SLC35F3: variants seen among roughly 807,000 people sequenced by gnomAD.
SLC35F3 encodes the protein solute carrier family 35 member F3.
A neutral mutation model predicts 49.9 loss-of-function variants in SLC35F3; 25 were observed. The observed-to-expected ratio is 0.50, with a 90% CI of 0.37 to 0.70. The LOEUF is 0.70. SLC35F3 is among the 30% of genes least tolerant of loss of function. The pLI is 0.00. For missense variants in SLC35F3, 525 were observed against 639.8 expected (o/e 0.82, Z 1.94); for synonymous variants, 275 against 265.4 (o/e 1.04, Z -0.35).
At chr1:234,321,037 G>GCCCC (rs34198235) in intron 7 of SLC35F3, among the ~76,000 whole-genome samples, 1 of 131,736 alleles carries the variant, frequency 7.6e-6, no homozygotes, top group Non-Finnish European at 1.7e-5. Flanking sequence ...TTAAAAGATT[G>GCCCC]CCCCCCCCCC....
intron 2 of SLC35F3, among the ~76,000 whole-genome samples, chr1:234,064,944 T>G (rs900764328): frequency 1.3e-5 from 2 of 152,208 alleles, no homozygotes; most frequent in African/African-American, 4.8e-5. Context: ...GACTATTTTC[T>G]TTTATAAGAG....
chr1:234,276,472 A>AG (rs1445182761), intron 3 of SLC35F3, among the ~76,000 whole-genome samples: 3 of 152,184 alleles, frequency 2.0e-5, no homozygotes, highest in Non-Finnish European at 4.4e-5. Flanking sequence ...ACTGTGTATA[A>AG]GGCAGAGTAC....
Position 234,046,961 on chromosome 1 carries a change from A to G in SLC35F3, c.283+141203A>G, listed in dbSNP as rs1389735567. Among the ~76,000 whole-genome samples, 1 of 152,200 alleles carries G rather than the reference A, an allele frequency of 6.6e-6. No individual in the cohort carries two copies. The highest frequency in any genetic ancestry group is 1.5e-5 in the Non-Finnish European group (1 of 68,036). ...ACCTTAGTTACTCTAGCTGTACTATAAGTCTCACTTCCTAACAGGTCAAAT... is the reference window on the plus strand; with the variant it reads ...ACCTTAGTTACTCTAGCTGTACTATGAGTCTCACTTCCTAACAGGTCAAAT... On this transcript the variant is annotated intron_variant, in intron 2 of 7. Transcript: ENST00000366618. The surrounding 1 kb of genome is among the most constrained non-coding windows in gnomAD (Gnocchi z 4.4).
chr1:234,239,398 T>C (rs1222239278), intron 3 of SLC35F3, among the ~76,000 whole-genome samples: 1 of 152,196 alleles, frequency 6.6e-6, no homozygotes, highest in Non-Finnish European at 1.5e-5. Context: ...CATTTCTTAC[T>C]TTCCATGTGG....
At chr1:234,129,459 G>GA (rs988314930) in intron 2 of SLC35F3, among the ~76,000 whole-genome samples, 1 of 152,094 alleles carries the variant, frequency 6.6e-6, no homozygotes, top group Non-Finnish European at 1.5e-5. Context: ...CTAAATAAAT[G>GA]AAAAGATACA....
intron 2 of SLC35F3, among the ~76,000 whole-genome samples, chr1:233,983,683 C>T (rs562074890): frequency 6.6e-6 from 1 of 152,340 alleles, no homozygotes; most frequent in Non-Finnish European, 1.5e-5. Context: ...TTGGAAACCA[C>T]TTCATCAACA....
intron 2 of SLC35F3, among the ~76,000 whole-genome samples, chr1:233,966,428 A>C (rs1352825653): frequency 6.6e-6 from 1 of 152,104 alleles, no homozygotes; most frequent in Non-Finnish European, 1.5e-5. Flanking sequence ...CACCCCAATC[A>C]GACCCAATCT....
chr1:234,083,706 CA>C (rs779926000), intron 2 of SLC35F3, among the ~76,000 whole-genome samples: 4 of 152,314 alleles, frequency 2.6e-5, no homozygotes, highest in Non-Finnish European at 5.9e-5. Flanking sequence ...GTTCCCAAAG[CA>C]CTGCAGTCTT....
At chr1:234,242,424 G>A (rs925613527) in intron 3 of SLC35F3, among the ~76,000 whole-genome samples, 3 of 152,198 alleles carry the variant, frequency 2.0e-5, no homozygotes, top group Non-Finnish European at 4.4e-5. Flanking sequence ...AGCTGTGAGT[G>A]GGTTCACTGT....
intron 2 of SLC35F3, among the ~76,000 whole-genome samples, chr1:234,168,381 A>G (rs1221839500): frequency 6.6e-6 from 1 of 152,212 alleles, no homozygotes; most frequent in African/African-American, 2.4e-5. Context: ...CAGCCCAGTC[A>G]TTTGCAGGCA....
intron 2 of SLC35F3, among the ~76,000 whole-genome samples, chr1:234,191,081 T>G (rs991169892): frequency 5.3e-5 from 8 of 152,184 alleles, no homozygotes; most frequent in Non-Finnish European, 7.3e-5. Flanking sequence ...GTTTACTTGC[T>G]CACAGGTTCT....
intron 3 of SLC35F3, among the ~76,000 whole-genome samples, chr1:234,286,853 A>T (rs1373855361): frequency 2.0e-5 from 3 of 152,212 alleles, no homozygotes; most frequent in Non-Finnish European, 4.4e-5. Context: ...GTTTTGCGTT[A>T]GTTCAAAAAT....
chr1:234,190,601 G>A (rs1472243034), intron 2 of SLC35F3, among the ~76,000 whole-genome samples: 1 of 152,162 alleles, frequency 6.6e-6, no homozygotes. Flanking sequence ...AAATGGGATA[G>A]CAACACAATA....
Position 234,320,074 on chromosome 1 carries a change from CGTT to C in SLC35F3, c.1148-20_1148-18del, listed in dbSNP as rs761489653. 34 of 1,515,568 alleles carry C rather than the reference CGTT, an allele frequency of 2.2e-5. No homozygotes were observed. The highest frequency in any genetic ancestry group is 3.0e-5 in the Non-Finnish European group (33 of 1,090,438). The allele number at this position is 1,515,568 out of a possible 1,614,324, so 93.9% of individuals were successfully genotyped here. A position where few individuals can be genotyped will look rare whatever the true frequency, so the allele number is the denominator to read the frequency against. On this transcript the variant is annotated intron_variant, in intron 6 of 7. Coordinates refer to ENST00000366618, the MANE Select transcript of SLC35F3 (RefSeq NM_173508.4). This position sits in a 1 kb window ranked among gnomAD's most constrained non-coding sequence, Gnocchi z 4.8. ...GTACACAGCAGTCATGAATAACACT[CGTT>C]GTTTACATTCTTTATTTCAGCATTC...
Position 234,195,536 on chromosome 1 carries a change from T to C in SLC35F3, c.284-35881T>C, listed in dbSNP as rs555680298. Among the ~76,000 whole-genome samples the C allele has an allele frequency of 6.0e-4, 92 of 152,254 alleles. 1 individual carries two copies. In the South Asian group the frequency reaches 0.012, roughly 20 times the overall value. On this transcript the variant is annotated intron_variant, in intron 2 of 7. Coordinates refer to ENST00000366618, the MANE Select transcript of SLC35F3 (RefSeq NM_173508.4). ...TAGCATCAAGCTCCTTTTCATTGTG[T>C]CCCCTTTGACTGGAAGGCCCTTCTC...
At chr1:234,308,992 C>A (rs1348816407) in intron 3 of SLC35F3, 109 bp from the exon 4 acceptor site, 15 of 743,364 alleles carry the variant, frequency 2.0e-5, no homozygotes, top group African/African-American at 4.0e-5. Flanking sequence ...AATTTTAAAA[C>A]CCTGCCCCTT....
chr1:234,234,789 C>T (rs540261980), intron 3 of SLC35F3, among the ~76,000 whole-genome samples: 1 of 152,176 alleles, frequency 6.6e-6, no homozygotes, highest in South Asian at 2.1e-4. Flanking sequence ...CCTCAGATGC[C>T]CATTTGTAAA....
intron 2 of SLC35F3, among the ~76,000 whole-genome samples, chr1:234,059,579 A>ATAGAGC (rs146323240): frequency 6.6e-6 from 1 of 152,140 alleles, no homozygotes; most frequent in East Asian, 1.9e-4. Context: ...AGAGGTAGAG[A>ATAGAGC]TAGAGCTAGA....
At chr1:234,206,390 G>A (rs923012904) in intron 2 of SLC35F3, among the ~76,000 whole-genome samples, 1 of 150,738 alleles carries the variant, frequency 6.6e-6, no homozygotes, top group Admixed American at 6.6e-5. Flanking sequence ...GTGCCCAGAG[G>A]CATCCGGCAC....
Sources: gnomAD v4.1 joint callset for allele counts (sites outside exome capture counted in the v4.1 genomes callset) on GRCh38, gnomAD v4.1.1 for gene constraint, Gnocchi (gnomAD v3.1) non-coding constraint, MANE v1.5 for transcripts, NCBI Gene and HGNC (gene_info 2026-07-23, HGNC 2026-07-21) for gene names.